Variants in MCF2L observed in about 807,000 individuals in gnomAD.
MCF2L encodes the protein MCF.2 cell line derived transforming sequence like.
MCF2L carries 97 observed loss-of-function variants against 153.4 expected under a neutral mutation model. The ratio of observed to expected loss-of-function variants is 0.63; its 90% CI spans 0.54 to 0.75. The LOEUF is 0.75. Among genes scored for constraint, MCF2L ranks in the 30% least tolerant of loss-of-function variants. The probability of loss-of-function intolerance (pLI) is 0.00; values close to 1 mark genes in which losing one functional copy is unlikely to be tolerated. For synonymous variants in MCF2L, 659 were observed against 632.2 expected, an observed-to-expected ratio of 1.04 and a Z score of -0.64; for missense variants, 1,347 against 1,495.2, an observed-to-expected ratio of 0.90 and a Z score of 1.64.
chr13:112,957,322 G>A (rs2081770354), intron 2 of MCF2L: 1 of 152,252 alleles, frequency 6.6e-6, no homozygotes, highest in Non-Finnish European at 1.5e-5. Flanking sequence ...CAGAAATGGA[G>A]TTCACATGTG....
At chr13:112,971,203 C>T (rs184510368) in intron 1 of MCF2L, among the ~76,000 whole-genome samples, 76 of 152,290 alleles carry the variant, frequency 5.0e-4, no homozygotes, top group African/African-American at 1.7e-3. Context: ...ACAGAGTGTA[C>T]GGGTATGTGG....
At chr13:113,087,129 C>T in intron 21 of MCF2L, 106 bp from the exon 22 acceptor site, 1 of 957,810 alleles carries the variant, frequency 1.0e-6, no homozygotes, top group Non-Finnish European at 1.5e-6. Flanking sequence ...CAGCTGGAAT[C>T]CCACCGTGGG....
chr13:112,985,903 C>T (rs969533335), intron 1 of MCF2L, among the ~76,000 whole-genome samples: 56 of 152,320 alleles, frequency 3.7e-4, no homozygotes, highest in African/African-American at 1.3e-3. Context: ...CACCCGGTGA[C>T]GTGCCTGAGG....
Position 113,031,958 on chromosome 13 carries a change from G to A in MCF2L, c.278+7200G>A, listed in dbSNP as rs1287699859. On this transcript the variant is annotated intron_variant, in intron 3 of 29. Transcript: ENST00000535094. The surrounding 1 kb of genome is among the most constrained non-coding windows in gnomAD (Gnocchi z 5.5). ...GATGTGCATGTGTATAACCACACAC[G>A]TGCGCACACACACACATGCAAGTGC... Among the ~76,000 whole-genome samples the A allele has an allele frequency of 1.3e-5, 2 of 151,940 alleles. No homozygotes were observed. The highest frequency in any genetic ancestry group is 6.6e-5 in the Admixed American group (1 of 15,252).
intron 1 of MCF2L, among the ~76,000 whole-genome samples, chr13:112,975,928 GCCTC>G (rs376914813): frequency 5.1e-3 from 76 of 15,040 alleles, no homozygotes; most frequent in African/African-American, 0.017. Flanking sequence ...CAAGCTCCTG[GCCTC>G]CCTCCCTCCC....
intron 1 of MCF2L, among the ~76,000 whole-genome samples, chr13:112,982,958 G>A (rs1288675355): frequency 6.6e-6 from 1 of 152,144 alleles, no homozygotes; most frequent in Non-Finnish European, 1.5e-5. Flanking sequence ...TGGGGCTGGG[G>A]CGCAGCTCGT....
intron 1 of MCF2L, among the ~76,000 whole-genome samples, chr13:112,995,149 G>A (rs1235948142): frequency 6.6e-6 from 1 of 152,142 alleles, no homozygotes; most frequent in African/African-American, 2.4e-5. Context: ...CCGCTGTGTC[G>A]AGGCACTGTG....
chr13:112,923,835 C>CT (rs1454143012), intron 2 of MCF2L, among the ~76,000 whole-genome samples: 1 of 152,114 alleles, frequency 6.6e-6, no homozygotes, highest in Non-Finnish European at 1.5e-5. Context: ...TTCAGTTGTC[C>CT]TGTGTTTTAT....
At chr13:112,999,265 A>G (rs8002283) in intron 1 of MCF2L, among the ~76,000 whole-genome samples, 71,083 of 151,964 alleles carry the variant, frequency 0.47, 16,702 homozygotes, top group Non-Finnish European at 0.48. Context: ...GAAGGAGCAC[A>G]GCCTTTGCCC....
intron 9 of MCF2L, among the ~76,000 whole-genome samples, chr13:113,071,116 T>C (rs898978712): frequency 6.6e-6 from 1 of 152,176 alleles, no homozygotes; most frequent in Non-Finnish European, 1.5e-5. Flanking sequence ...CTCACGGTGG[T>C]TTTCTGTTGC....
At chr13:113,076,636 C>T (rs970431276) in intron 12 of MCF2L, among the ~76,000 whole-genome samples, 3 of 152,260 alleles carry the variant, frequency 2.0e-5, no homozygotes, top group Non-Finnish European at 4.4e-5. Context: ...GCTGAATTTT[C>T]CTTTCAACAC....
At chr13:112,898,773 C>T (rs1327082348) in intron 1 of MCF2L, among the ~76,000 whole-genome samples, 1 of 152,210 alleles carries the variant, frequency 6.6e-6, no homozygotes, top group Non-Finnish European at 1.5e-5. Context: ...TTGTCCATCA[C>T]ACCTCTGCCT....
chr13:112,979,713 T>C (rs763452603), intron 1 of MCF2L: 2 of 1,612,408 alleles, frequency 1.2e-6, no homozygotes, highest in Non-Finnish European at 1.7e-6. Context: ...GCGGCTGTGG[T>C]CACTGCCCAG....
At position 113,044,632 on chromosome 13, in the gene MCF2L, C is replaced by T. The variant is rs752119163; in HGVS notation, c.279-639C>T. 2.4e-5 allele frequency: 38 copies of T among 1,601,588 alleles called. No homozygotes were observed. The East Asian group carries it at 2.5e-4, about 10-fold the overall frequency. On this transcript the variant is annotated intron_variant, in intron 3 of 29. Coordinates refer to ENST00000535094, the MANE Select transcript of MCF2L (RefSeq NM_001112732.3). ...AGTGAGCCCACGGAAGAGGGCTCTC[C>T]GCACCGACTCTGTGACTCAGGCTTC...
upstream of MCF2L, among the ~76,000 whole-genome samples, chr13:112,964,380 A>T (rs1321201410): frequency 6.6e-6 from 1 of 152,250 alleles, no homozygotes; most frequent in East Asian, 1.9e-4. Flanking sequence ...CCAGGATGGC[A>T]TGAACCCATC....
At chr13:113,008,367 C>CT (rs34181596) in intron 1 of MCF2L, among the ~76,000 whole-genome samples, 31,605 of 152,210 alleles carry the variant, frequency 0.21, 3,562 homozygotes, top group East Asian at 0.27. Flanking sequence ...GTCTCAGCCC[C>CT]TGGACTCCAG....
chr13:112,936,664 C>T (rs369035970), intron 2 of MCF2L, among the ~76,000 whole-genome samples: 1 of 152,174 alleles, frequency 6.6e-6, no homozygotes. Context: ...AAATGTTTTA[C>T]AGTATGCTCC....
chr13:113,002,224 C>A (rs1321548581), intron 1 of MCF2L, among the ~76,000 whole-genome samples: 4 of 152,194 alleles, frequency 2.6e-5, no homozygotes. Context: ...TGGTTTAGGG[C>A]CATGGCCCTG....
intron 26 of MCF2L, among the ~76,000 whole-genome samples, chr13:113,091,879 T>C (rs941845728): frequency 1.3e-5 from 2 of 152,036 alleles, no homozygotes; most frequent in African/African-American, 2.4e-5. Context: ...TTCCCAGGGG[T>C]GTAAGCAGAA....
Sources: gnomAD v4.1 joint callset for allele counts (sites outside exome capture counted in the v4.1 genomes callset) on GRCh38, gnomAD v4.1.1 for gene constraint, Gnocchi (gnomAD v3.1) non-coding constraint, MANE v1.5 for transcripts, NCBI Gene and HGNC (gene_info 2026-07-23, HGNC 2026-07-21) for gene names.